The following BCKDHB variants were observed in gnomAD, a reference collection of about 807,000 sequenced individuals.
BCKDHB encodes the protein branched chain keto acid dehydrogenase E1 subunit beta.
A neutral mutation model predicts 48.5 loss-of-function variants in BCKDHB; 41 were observed. That is an observed-to-expected ratio of 0.85 (90% CI 0.66 to 1.10). The LOEUF (loss-of-function observed/expected upper bound fraction) is 1.10, where lower values mean the gene tolerates loss of function less well. Among genes scored for constraint, BCKDHB ranks in the 50% least tolerant of loss-of-function variants. The pLI, the probability that BCKDHB is intolerant of heterozygous loss-of-function variation, is 0.00. For missense variants in BCKDHB, 496 were observed against 494.2 expected (o/e 1.00, Z -0.03); for synonymous variants, 201 against 174.8 (o/e 1.15, Z -1.18).
intron 9 of BCKDHB, among the ~76,000 whole-genome samples, chr6:80,302,382 A>G (rs555332643): frequency 6.6e-6 from 1 of 152,308 alleles, no homozygotes; most frequent in Non-Finnish European, 1.5e-5. Flanking sequence ...ATACTAAATT[A>G]TTTTTAAAAC....
intron 6 of BCKDHB, among the ~76,000 whole-genome samples, chr6:80,172,515 A>C (rs1267469285): frequency 6.6e-6 from 1 of 152,074 alleles, no homozygotes; most frequent in Non-Finnish European, 1.5e-5. Flanking sequence ...TCTAGTTACT[A>C]AGGAAAGTAG....
At chr6:80,205,993 G>A (rs988414893) in intron 8 of BCKDHB, among the ~76,000 whole-genome samples, 1 of 151,974 alleles carries the variant, frequency 6.6e-6, no homozygotes, top group Admixed American at 6.6e-5. Context: ...CTCATATTTT[G>A]TGGGGCTGTA....
At chr6:80,370,818 A>ATGTG in the BCKDHB span, among the ~76,000 whole-genome samples, 1,492 of 146,126 alleles carry the variant, frequency 0.01, 25 homozygotes, top group African/African-American at 0.037. Context: ...GTATATATAT[A>ATGTG]TGTGTGTGTG....
At chr6:80,454,431 G>A in the BCKDHB span, among the ~76,000 whole-genome samples, 35 of 152,236 alleles carry the variant, frequency 2.3e-4, no homozygotes, top group African/African-American at 8.2e-4. Flanking sequence ...TGAGGTATGT[G>A]AACTTGCTGA....
At chr6:80,381,970 T>C in the BCKDHB span, among the ~76,000 whole-genome samples, 10 of 152,170 alleles carry the variant, frequency 6.6e-5, no homozygotes, top group Non-Finnish European at 1.5e-4. Flanking sequence ...TCATTTGTTA[T>C]ATTTTTATTA....
rs1264954456 is a variant in BCKDHB at position 80,121,240 on chromosome 6, G to A, written c.197-6307G>A. On this transcript the variant is annotated intron_variant, in intron 1 of 9. Transcript: ENST00000320393. ...GATCTATATCTCTGTTTTGGTACCA[G>A]TACCATGCTGTTTTGGTTACTGTAG... Among the ~76,000 whole-genome samples, 7 of 152,182 alleles carry A rather than the reference G, an allele frequency of 4.6e-5. No homozygotes were observed. In the East Asian group the frequency reaches 9.6e-4, roughly 21 times the overall value.
chr6:80,369,795 C>G, the BCKDHB span, among the ~76,000 whole-genome samples: 1 of 152,214 alleles, frequency 6.6e-6, no homozygotes, highest in African/African-American at 2.4e-5. Flanking sequence ...GGAAAGCCAA[C>G]TTAGAACCCA....
the BCKDHB span, chr6:80,356,302 C>A: frequency 3.1e-4 from 47 of 152,100 alleles, no homozygotes; most frequent in African/African-American, 1.0e-3. Context: ...AACTCATGTC[C>A]ATCAGATTTA....
At chr6:80,391,009 A>G in the BCKDHB span, among the ~76,000 whole-genome samples, 2 of 152,106 alleles carry the variant, frequency 1.3e-5, no homozygotes, top group Admixed American at 1.3e-4. Flanking sequence ...CCCATGCTGG[A>G]TGCTTCCTGC....
intron 9 of BCKDHB, among the ~76,000 whole-genome samples, chr6:80,336,910 AT>A (rs1318696968): frequency 6.6e-6 from 1 of 152,090 alleles, no homozygotes; most frequent in East Asian, 1.9e-4. Context: ...CAAATAATTA[AT>A]TTGATAGATC....
At chr6:80,316,542 A>G (rs1002817049) in intron 9 of BCKDHB, among the ~76,000 whole-genome samples, 1 of 152,242 alleles carries the variant, frequency 6.6e-6, no homozygotes. Flanking sequence ...TATGTTTATG[A>G]TATCCATTCT....
intron 8 of BCKDHB, among the ~76,000 whole-genome samples, chr6:80,204,453 G>A (rs1490957706): frequency 2.6e-5 from 4 of 152,120 alleles, no homozygotes; most frequent in Non-Finnish European, 4.4e-5. Flanking sequence ...GTCAGACACC[G>A]GGTTTTCTTT....
At chr6:80,287,152 A>T (rs759154948) in intron 9 of BCKDHB, among the ~76,000 whole-genome samples, 5 of 152,182 alleles carry the variant, frequency 3.3e-5, no homozygotes, top group Admixed American at 6.5e-5. Context: ...TTACTTGCCT[A>T]AACAGGAAGC....
At chr6:80,440,115 C>G in the BCKDHB span, among the ~76,000 whole-genome samples, 1 of 152,160 alleles carries the variant, frequency 6.6e-6, no homozygotes, top group African/African-American at 2.4e-5. Flanking sequence ...GGTGCTGTCA[C>G]TCTCTGCCAC....
chr6:80,216,481 A>G (rs764727149), intron 8 of BCKDHB, among the ~76,000 whole-genome samples: 4 of 152,172 alleles, frequency 2.6e-5, no homozygotes, highest in Non-Finnish European at 5.9e-5. Context: ...GAACTGGAGA[A>G]AGCAAGATTA....
the BCKDHB span, among the ~76,000 whole-genome samples, chr6:80,405,233 A>G: frequency 1.3e-5 from 2 of 152,110 alleles, no homozygotes; most frequent in African/African-American, 2.4e-5. Flanking sequence ...TTGGCTGCCT[A>G]TTTATTTACA....
At chr6:80,199,203 T>C (rs2127819994) in intron 6 of BCKDHB, among the ~76,000 whole-genome samples, 1 of 151,748 alleles carries the variant, frequency 6.6e-6, no homozygotes, top group Admixed American at 6.6e-5. Context: ...CCTCCTAAGG[T>C]AGGGGATTTA....
At chr6:80,412,873 G>T in the BCKDHB span, among the ~76,000 whole-genome samples, 2 of 152,180 alleles carry the variant, frequency 1.3e-5, no homozygotes, top group Non-Finnish European at 2.9e-5. Flanking sequence ...GTAATCTGCT[G>T]ACAGTCTTAT....
intron 9 of BCKDHB, among the ~76,000 whole-genome samples, chr6:80,304,728 T>C (rs1156658860): frequency 2.6e-5 from 4 of 152,182 alleles, no homozygotes; most frequent in African/African-American, 9.6e-5. Context: ...CCAGACCAAG[T>C]TGGGTTTATT....
Sources: allele counts gnomAD v4.1 joint callset (sites outside exome capture counted in the v4.1 genomes callset), GRCh38; gene constraint gnomAD v4.1.1; transcripts MANE v1.5; gene names NCBI Gene and HGNC (gene_info 2026-07-23, HGNC 2026-07-21).